CADPS: variants seen among roughly 807,000 people sequenced by gnomAD.
CADPS encodes calcium-dependent secretion activator 1.
Under a neutral mutation model 167.3 loss-of-function variants are expected in CADPS, and 57 were observed. That is an observed-to-expected ratio of 0.34 (90% CI 0.28 to 0.42). CADPS has a LOEUF of 0.42. Among genes scored for constraint, CADPS ranks in the 20% least tolerant of loss-of-function variants. The probability of loss-of-function intolerance (pLI) is 1.00; values close to 1 mark genes in which losing one functional copy is unlikely to be tolerated. For missense variants in CADPS, 1,414 were observed against 1,738.1 expected (o/e 0.81, Z 3.32); for synonymous variants, 676 against 635.3 (o/e 1.06, Z -0.96).
chr3:62,844,496 T>C (rs1229555504), intron 1 of CADPS, among the ~76,000 whole-genome samples: 5 of 152,160 alleles, frequency 3.3e-5, no homozygotes, highest in African/African-American at 1.2e-4. Context: ...TACACTTTAC[T>C]GAGGAGCAAA....
chr3:62,454,815 G>T (rs937652217), intron 26 of CADPS, among the ~76,000 whole-genome samples: 2 of 152,026 alleles, frequency 1.3e-5, no homozygotes, highest in African/African-American at 4.8e-5. Flanking sequence ...TTGATTGTAC[G>T]GCTTCTGTGC....
intron 6 of CADPS, among the ~76,000 whole-genome samples, chr3:62,617,327 G>T (rs1459126818): frequency 1.3e-5 from 2 of 152,116 alleles, no homozygotes; most frequent in Admixed American, 1.3e-4. Flanking sequence ...AGGGGCAGCT[G>T]GAATGGGTCT....
chr3:62,519,792 A>T (rs1355549), intron 13 of CADPS, among the ~76,000 whole-genome samples: 4,810 of 148,234 alleles, frequency 0.032, 114 homozygotes, highest in Middle Eastern at 0.094. Flanking sequence ...ACAAAAACAA[A>T]TTTTTTTTTT....
chr3:62,719,219 G>T (rs2577819), intron 3 of CADPS, among the ~76,000 whole-genome samples: 1 of 152,108 alleles, frequency 6.6e-6, no homozygotes, highest in African/African-American at 2.4e-5. Context: ...AGCCCTCCTG[G>T]GCCCTGTTCT....
chr3:62,858,033 T>G (rs1286818463), intron 1 of CADPS, among the ~76,000 whole-genome samples: 1 of 152,150 alleles, frequency 6.6e-6, no homozygotes, highest in Non-Finnish European at 1.5e-5. Context: ...GAGTTAAGAT[T>G]AATAAATCCC....
intron 6 of CADPS, chr3:62,626,542 G>T (rs2064125804): frequency 1.4e-6 from 1 of 702,730 alleles, no homozygotes; most frequent in Non-Finnish European, 2.6e-6. Flanking sequence ...GCACTGTGAG[G>T]CAGTTGTTCT....
intron 1 of CADPS, among the ~76,000 whole-genome samples, chr3:62,843,361 C>T (rs1335380821): frequency 6.6e-6 from 1 of 152,004 alleles, no homozygotes; most frequent in African/African-American, 2.4e-5. Context: ...ATTGAAGATT[C>T]GAGGCTATGA....
intron 6 of CADPS, among the ~76,000 whole-genome samples, chr3:62,597,950 A>G (rs1442513923): frequency 6.6e-6 from 1 of 152,162 alleles, no homozygotes; most frequent in Non-Finnish European, 1.5e-5. Flanking sequence ...GCCCAGTGCA[A>G]ATAAAAAATG....
At chr3:62,479,665 C>A (rs925583571) in intron 22 of CADPS, among the ~76,000 whole-genome samples, 1 of 152,198 alleles carries the variant, frequency 6.6e-6, no homozygotes, top group Non-Finnish European at 1.5e-5. Context: ...GAGGTCAGTA[C>A]GTAGACGTAT....
intron 1 of CADPS, among the ~76,000 whole-genome samples, chr3:62,784,755 C>CA (rs1553674569): frequency 0.016 from 266 of 17,044 alleles, 3 homozygotes; most frequent in African/African-American, 0.052. Context: ...AGAATGCAAG[C>CA]AAAAACAAAA....
At chr3:62,405,312 C>T (rs2149112783) in intron 28 of CADPS, among the ~76,000 whole-genome samples, 1 of 152,090 alleles carries the variant, frequency 6.6e-6, no homozygotes, top group Middle Eastern at 3.4e-3. Flanking sequence ...AGGAGTGTGG[C>T]ACTCTGGCTT....
At chr3:62,822,796 C>T (rs1218270712) in intron 1 of CADPS, among the ~76,000 whole-genome samples, 2 of 151,834 alleles carry the variant, frequency 1.3e-5, no homozygotes, top group East Asian at 1.9e-4. Flanking sequence ...GAGCCAAGAT[C>T]GCACCACTGC....
rs914672778 is a variant in CADPS, at chr3:62,858,624, T to G, written c.441+15965A>C. On this transcript the variant is annotated intron_variant, in intron 1 of 29. Transcript: ENST00000383710. ...CCAATTGTGTCTACTAAAAATGGGA[T>G]ATGTAGATATTATATTTAAAATGTA... is the stretch of plus-strand genomic sequence containing the variant. Among the ~76,000 whole-genome samples, 5 of 152,316 alleles carry G rather than the reference T, an allele frequency of 3.3e-5. No individual in the cohort carries two copies. The South Asian group carries it at 6.2e-4, about 19-fold the overall frequency.
At chr3:62,494,693 G>C (rs2064353662) in intron 18 of CADPS, among the ~76,000 whole-genome samples, 1 of 69,786 alleles carries the variant, frequency 1.4e-5, no homozygotes, top group African/African-American at 7.6e-5. Context: ...TTTGGACGGA[G>C]TTTTGCTCTT....
At chr3:62,818,606 C>T (rs117146734) in intron 1 of CADPS, among the ~76,000 whole-genome samples, 1 of 152,284 alleles carries the variant, frequency 6.6e-6, no homozygotes, top group East Asian at 1.9e-4. Flanking sequence ...ATAGCACAAC[C>T]ACTTTACTTT....
chr3:62,599,852 A>AT (rs2059662147), intron 6 of CADPS, among the ~76,000 whole-genome samples: 2 of 42,558 alleles, frequency 4.7e-5, no homozygotes, highest in Non-Finnish European at 7.8e-5. Flanking sequence ...ATATATATAT[A>AT]ATATATATAA....
chr3:62,579,541 C>G (rs1050220676), intron 8 of CADPS, among the ~76,000 whole-genome samples: 9 of 152,052 alleles, frequency 5.9e-5, no homozygotes, highest in Non-Finnish European at 1.2e-4. Context: ...AGGGAGGACA[C>G]AGCGGGGCCA....
chr3:62,819,027 A>C, intron 1 of CADPS, among the ~76,000 whole-genome samples: 1 of 141,972 alleles, frequency 7.0e-6, no homozygotes, highest in African/African-American at 2.5e-5. Context: ...ATGGTGGTGG[A>C]GGTGGGTGGG....
chr3:62,614,238 T>G (rs2061922999), intron 6 of CADPS, among the ~76,000 whole-genome samples: 1 of 152,142 alleles, frequency 6.6e-6, no homozygotes, highest in Non-Finnish European at 1.5e-5. Flanking sequence ...TAGCCCTGTT[T>G]TACAGATGAG....
Sources: allele counts gnomAD v4.1 joint callset (sites outside exome capture counted in the v4.1 genomes callset), GRCh38; gene constraint gnomAD v4.1.1; transcripts MANE v1.5; gene names NCBI Gene and HGNC (gene_info 2026-07-23, HGNC 2026-07-21).